SOS2: variants seen among roughly 807,000 people sequenced by gnomAD.
SOS2 encodes the protein son of sevenless homolog 2.
SOS2 carries 65 observed loss-of-function variants against 148.2 expected under a neutral mutation model. The observed-to-expected ratio is 0.44, with a 90% CI of 0.36 to 0.54. SOS2 has a LOEUF of 0.54. SOS2 is among the 20% of genes least tolerant of loss of function. The pLI, the probability that SOS2 is intolerant of heterozygous loss-of-function variation, is 0.00. For synonymous variants in SOS2, 539 were observed against 537.1 expected (o/e 1.00, Z -0.05); for missense variants, 1,341 against 1,590.2 (o/e 0.84, Z 2.67).
chr14:50,154,799 T>G (rs1013151218), intron 12 of SOS2, among the ~76,000 whole-genome samples: 9 of 152,176 alleles, frequency 5.9e-5, no homozygotes, highest in Non-Finnish European at 1.2e-4. Context: ...GAACAAAAAC[T>G]GATGAGAAGG....
At chr14:50,195,293 T>C (rs896315800) in intron 4 of SOS2, among the ~76,000 whole-genome samples, 1 of 152,196 alleles carries the variant, frequency 6.6e-6, no homozygotes, top group Admixed American at 6.5e-5. Context: ...TTCAATATAC[T>C]CTGTTGGTCA....
In SOS2 at chr14:50,120,217, G is replaced by C. The variant is rs1201842391; in HGVS notation, c.3489+58C>G. 5 of 777,590 alleles carry C rather than the reference G, an allele frequency of 6.4e-6. No homozygotes were observed. The African/African-American group carries it at 8.7e-5, about 14-fold the overall frequency. 48.2% of individuals were successfully genotyped at this position (777,590 alleles called of 1,614,324 possible). A position where few individuals can be genotyped will look rare whatever the true frequency, so the allele number is the denominator to read the frequency against. On this transcript the variant is annotated intron_variant, in intron 22 of 22. Transcript: ENST00000216373. Reference sequence around the variant, plus strand: ...AATTCACAGACTCTTTATAACACTAGGCATTATTTTGAAGATTCACAACTT... The same window carrying C: ...AATTCACAGACTCTTTATAACACTACGCATTATTTTGAAGATTCACAACTT...
rs886850720 is a variant in SOS2, at chr14:50,224,128, T to TA, written c.87+7068dup. Among the ~76,000 whole-genome samples, 727 of 137,292 alleles carry TA rather than the reference T, an allele frequency of 5.3e-3. 5 individuals carry two copies. The highest frequency in any genetic ancestry group is 0.015 in the African/African-American group (564 of 37,386). The allele number at this position is 137,292 out of a possible 152,430, so 90.1% of individuals were successfully genotyped here. A position where few individuals can be genotyped will look rare whatever the true frequency, so the allele number is the denominator to read the frequency against. ...TGAAACCCCATTTCTACTAAAAATATAAAAAAAAAAAAATTAACCAGACGT... is the reference window on the plus strand; with the variant it reads ...TGAAACCCCATTTCTACTAAAAATATAAAAAAAAAAAAAATTAACCAGACGT... On this transcript the variant is annotated intron_variant, in intron 1 of 22. Transcript: ENST00000216373.
chr14:50,172,356 C>T (rs968134772), intron 8 of SOS2, among the ~76,000 whole-genome samples: 3 of 150,026 alleles, frequency 2.0e-5, no homozygotes, highest in Non-Finnish European at 4.4e-5. Flanking sequence ...GAGTATATTC[C>T]ATATTTATTC....
intron 2 of SOS2, among the ~76,000 whole-genome samples, 197 bp downstream of exon 2, chr14:50,204,087 C>CT (rs1886588965): frequency 6.6e-6 from 1 of 151,366 alleles, no homozygotes; most frequent in Non-Finnish European, 1.5e-5. Flanking sequence ...CCCAGTTGTT[C>CT]TAAGTTTTTT....
intron 5 of SOS2, 36 bp downstream of exon 5, chr14:50,188,461 G>T: frequency 7.4e-7 from 1 of 1,351,442 alleles, no homozygotes; most frequent in South Asian, 1.2e-5. Context: ...TGGTTTTTTG[G>T]GGTACACAGA....
chr14:50,180,676 C>T lies in SOS2; in HGVS notation c.865G>A (p.Ala289Thr). Residue 289 changes from alanine (A) to threonine (T), a missense_variant, in exon 7 of 23, where the codon GCA becomes ACA. Around this residue, in one of 4 missense-constraint regions of SOS2, gnomAD observed 574 missense variants for 711.1 expected, o/e 0.81. Coordinates refer to ENST00000216373, the MANE Select transcript of SOS2 (RefSeq NM_006939.4). ...GATAATGTTTCATAAGGATCAAATG[C>T]TTGCTCCTATTTTTTTAAAAAGAGA... Reference protein sequence around the residue: ...SCFEDLAEEQAFDPYETLSQD... With the variant: ...SCFEDLAEEQTFDPYETLSQD... 1 of 1,555,388 alleles carries T rather than the reference C, an allele frequency of 6.4e-7. No individual in the cohort carries two copies. Among genetic ancestry groups the T allele is most frequent in the Non-Finnish European group, 8.8e-7 (1 of 1,140,578 alleles).
intron 1 of SOS2, among the ~76,000 whole-genome samples, chr14:50,216,409 T>C (rs1434402201): frequency 6.6e-6 from 1 of 152,134 alleles, no homozygotes. Flanking sequence ...TTATGAAATA[T>C]TAAAATTCAA....
chr14:50,170,811 TAA>T (rs537159978), intron 8 of SOS2, among the ~76,000 whole-genome samples: 9 of 130,302 alleles, frequency 6.9e-5, no homozygotes, highest in Non-Finnish European at 6.6e-5. Context: ...TGACTATTAT[TAA>T]AAAAAAAAAA....
At chr14:50,144,690 A>G (rs905253967) in intron 16 of SOS2, among the ~76,000 whole-genome samples, 3 of 152,110 alleles carry the variant, frequency 2.0e-5, no homozygotes, top group South Asian at 2.1e-4. Flanking sequence ...GACCCGCCTC[A>G]GCCTCCTAAA....
chr14:50,189,099 A>ACACACACG (rs1367953609), intron 4 of SOS2, among the ~76,000 whole-genome samples: 53 of 148,552 alleles, frequency 3.6e-4, no homozygotes, highest in Non-Finnish European at 6.8e-4. Flanking sequence ...ACACACACAC[A>ACACACACG]CACGCACACA....
rs903728559 is a variant in SOS2, at chr14:50,174,732, TTTAAG to T, written c.970-185_970-181del. On this transcript the variant is annotated intron_variant, in intron 7 of 22. Transcript: ENST00000216373. Reference sequence around the variant, plus strand: ...AGTTGTTCTTTTCTCCCTTTCCTCCTTTAAGTTATTAGAGAAATATATACATTAAT... The same window carrying T: ...AGTTGTTCTTTTCTCCCTTTCCTCCTTTATTAGAGAAATATATACATTAAT... Among the ~76,000 whole-genome samples, 65 of 152,314 alleles carry T rather than the reference TTTAAG, an allele frequency of 4.3e-4. No individual in the cohort carries two copies. In the South Asian group the frequency reaches 4.8e-3, roughly 11 times the overall value.
At chr14:50,186,135 A>G (rs1209935011) in intron 5 of SOS2, among the ~76,000 whole-genome samples, 1 of 152,186 alleles carries the variant, frequency 6.6e-6, no homozygotes, top group African/African-American at 2.4e-5. Context: ...TTTGCAGAGT[A>G]CTATGCTCTG....
chr14:50,151,029 T>C (rs1884646068), intron 13 of SOS2, among the ~76,000 whole-genome samples: 1 of 152,120 alleles, frequency 6.6e-6, no homozygotes, highest in Non-Finnish European at 1.5e-5. Context: ...GGCCTAATTT[T>C]TGTATTTTTA....
In SOS2 at chr14:50,150,018, C is replaced by A; in HGVS notation, c.2374G>T (p.Asp792Tyr). Residue 792 changes from aspartate to tyrosine, a missense_variant, in exon 14 of 23, where the codon GAT becomes TAT. Asp to Tyr is a radical substitution (Grantham distance 160). Around this residue, in one of 4 missense-constraint regions of SOS2, gnomAD observed 408 missense variants for 506.6 expected, o/e 0.81. Transcript: ENST00000216373. ...ACATTAATTGTCTACCTGTAAAGAT[C>A]AGACTCCAAAAGTGTCAGCTGACGT... Reference protein sequence around the residue: ...IARQLTLLESDLYRKVQPSEL... With the variant: ...IARQLTLLESYLYRKVQPSEL... 6.2e-7 allele frequency: 1 copy of A among 1,600,574 alleles called. No homozygotes were observed. The highest frequency in any genetic ancestry group is 1.1e-5 in the South Asian group (1 of 90,804).
chr14:50,146,993 G>C (rs1020094976), intron 14 of SOS2, among the ~76,000 whole-genome samples: 6 of 151,762 alleles, frequency 4.0e-5, no homozygotes, highest in African/African-American at 1.4e-4. Flanking sequence ...CAAAGGGTTT[G>C]AGACTATCCT....
chr14:50,183,133 A>G (rs1885796925), intron 5 of SOS2, among the ~76,000 whole-genome samples: 1 of 152,212 alleles, frequency 6.6e-6, no homozygotes, highest in African/African-American at 2.4e-5. Flanking sequence ...ATGCACTCCC[A>G]TTATAAAAGA....
chr14:50,197,542 G>A (rs1050924055), intron 4 of SOS2, among the ~76,000 whole-genome samples: 5 of 151,858 alleles, frequency 3.3e-5, no homozygotes, highest in African/African-American at 1.2e-4. Context: ...CACAGTAACT[G>A]ACCTGTAACT....
intron 9 of SOS2, among the ~76,000 whole-genome samples, chr14:50,160,685 C>A (rs1343353468): frequency 6.6e-6 from 1 of 152,120 alleles, no homozygotes; most frequent in African/African-American, 2.4e-5. Flanking sequence ...CCGTGCCCAG[C>A]CAACAATGCT....
Sources: allele counts gnomAD v4.1 joint callset (sites outside exome capture counted in the v4.1 genomes callset), GRCh38; gene constraint gnomAD v4.1.1; regional missense constraint gnomAD v4.1.1; transcripts MANE v1.5; gene names NCBI Gene and HGNC (gene_info 2026-07-23, HGNC 2026-07-21).